Variants in CAMK1 observed in about 807,000 individuals in gnomAD.
CAMK1 encodes calcium/calmodulin dependent protein kinase I.
CAMK1 carries 39 observed loss-of-function variants against 49.1 expected under a neutral mutation model. The observed-to-expected ratio is 0.79, with a 90% confidence interval of 0.62 to 1.04. The LOEUF is 1.04. Ranked by LOEUF, CAMK1 falls within the 50% of genes least tolerant of loss-of-function variation. CAMK1 has a pLI of 0.00. For missense variants in CAMK1, 457 were observed against 472.2 expected (o/e 0.97, Z 0.30); for synonymous variants, 192 against 185.2 (o/e 1.04, Z -0.30).
rs1320393177 is a variant in CAMK1, at chr3:9,769,917, T to C, written c.-118A>G. On this transcript the variant is annotated 5_prime_UTR_variant, in exon 1 of 12. Transcript: ENST00000256460. Reference sequence around the variant, plus strand: ...GCCGCGGTCCTCACCGCTGCGTGCCTGGGCCACCCGCCCGCGCTCTTGCTG... The same window carrying C: ...GCCGCGGTCCTCACCGCTGCGTGCCCGGGCCACCCGCCCGCGCTCTTGCTG... The C allele has an allele frequency of 6.6e-6, 1 of 152,186 alleles. No individual in the cohort carries two copies. Among genetic ancestry groups the C allele is most frequent in the African/African-American group, 2.4e-5 (1 of 41,442 alleles). The allele number at this position is 152,186 out of a possible 1,614,324, so 9.4% of individuals were successfully genotyped here. A position where few individuals can be genotyped will look rare whatever the true frequency, so the allele number is the denominator to read the frequency against.
chr3:9,761,852 A>G (rs2077892225), intron 5 of CAMK1, 95 bp from the exon 6 acceptor site: 1 of 1,524,816 alleles, frequency 6.6e-7, no homozygotes, highest in Non-Finnish European at 8.8e-7. Flanking sequence ...GAAATAATGG[A>G]TCCCCAAAAG....
At position 9,763,188 on chromosome 3, in the gene CAMK1, G is replaced by C; in HGVS notation, c.241C>G (p.Leu81Val). The C allele has an allele frequency of 6.2e-7, 1 of 1,613,970 alleles. No individual in the cohort carries two copies. Among genetic ancestry groups the C allele is most frequent in the East Asian group, 2.2e-5 (1 of 44,874 alleles). The change falls in exon 4 of 12, where the codon CTG (leucine) becomes GTG (valine). Residue 81 changes from leucine (L) to valine (V), a missense_variant. Leu to Val is a conservative substitution (Grantham distance 32). Coordinates refer to ENST00000256460, the MANE Select transcript of CAMK1 (RefSeq NM_003656.5). ...CCCCCACTCTCATAGATGTCATCCA[G>C]GGCTACAATGTTGGGGTGCTTGATC... ...HKIKHPNIVA[L>V]DDIYESGGHL... is the part of the protein sequence containing the mutation.
intron 1 of CAMK1, among the ~76,000 whole-genome samples, chr3:9,768,675 A>G (rs547073839): frequency 6.6e-6 from 1 of 152,340 alleles, no homozygotes; most frequent in East Asian, 1.9e-4. Flanking sequence ...CCCCATTCAG[A>G]GAACACAGCC....
intron 9 of CAMK1, 43 bp from the exon 10 acceptor site, chr3:9,759,618 C>T (rs1302681770): frequency 6.2e-7 from 1 of 1,614,012 alleles, no homozygotes; most frequent in Non-Finnish European, 8.5e-7. Context: ...AGGGCAGAAG[C>T]AGACCTGAGG....
At chr3:9,759,635 A>C (rs1391680656) in intron 9 of CAMK1, 37 bp downstream of exon 9, 1 of 1,613,968 alleles carries the variant, frequency 6.2e-7, no homozygotes, top group East Asian at 2.2e-5. Context: ...GAGGGCCCCA[A>C]ATCCCGCCCC....
chr3:9,761,962 T>C, intron 5 of CAMK1: 1 of 648,140 alleles, frequency 1.5e-6, no homozygotes, highest in Non-Finnish European at 2.5e-6. Context: ...GGGGGGGAAC[T>C]GTCTCTAAAC....
rs199997024 is a variant in CAMK1, at chr3:9,759,684, A to G, written c.812T>C (p.Leu271Ser). ...PEKRFTCEQA[L>S]QHPWIAGDTA... Reference sequence around the variant, plus strand: ...TGTGAATTCTCACCATGGGTGCTGCAAGGCCTGCTCACAGGTGAATCTTTT... The same window carrying G: ...TGTGAATTCTCACCATGGGTGCTGCGAGGCCTGCTCACAGGTGAATCTTTT... The change falls in exon 9 of 12, where the codon TTG becomes TCG. Residue 271 changes from leucine to serine, a missense_variant. Transcript: ENST00000256460. 1.2e-5 allele frequency: 19 copies of G among 1,614,174 alleles called. No individual in the cohort carries two copies. The highest frequency in any genetic ancestry group is 1.2e-5 in the Non-Finnish European group (14 of 1,180,024).
intron 10 of CAMK1, 96 bp downstream of exon 10, chr3:9,759,392 C>T (rs879772293): frequency 1.2e-4 from 193 of 1,571,704 alleles, no homozygotes; most frequent in Non-Finnish European, 1.6e-4. Context: ...TTACTGTGTG[C>T]CCAGTGTGAT....
At chr3:9,767,351 G>A (rs1359009934) in intron 2 of CAMK1, among the ~76,000 whole-genome samples, 1 of 152,172 alleles carries the variant, frequency 6.6e-6, no homozygotes, top group African/African-American at 2.4e-5. Flanking sequence ...CCAGCACCAA[G>A]AACAGAGCCA....
intron 2 of CAMK1, among the ~76,000 whole-genome samples, chr3:9,767,000 C>A (rs923903363): frequency 2.0e-5 from 3 of 152,144 alleles, no homozygotes; most frequent in South Asian, 2.1e-4. Flanking sequence ...ACTCTCCCCC[C>A]AGCCTGTGAT....
intron 5 of CAMK1, 140 bp downstream of exon 5, chr3:9,762,774 T>G: frequency 1.3e-6 from 1 of 764,880 alleles, no homozygotes; most frequent in South Asian, 1.7e-5. Flanking sequence ...GGAGGCAGTT[T>G]AAAGGTTACA....
intron 5 of CAMK1, 138 bp from the exon 6 acceptor site, chr3:9,761,895 C>T (rs912529292): frequency 3.5e-5 from 48 of 1,381,240 alleles, no homozygotes; most frequent in Non-Finnish European, 4.6e-5. Flanking sequence ...ATAAGAAAAT[C>T]AAGGAAGCTC....
intron 2 of CAMK1, chr3:9,766,407 C>A (rs568992560): frequency 9.7e-6 from 5 of 513,152 alleles, no homozygotes; most frequent in African/African-American, 5.8e-5. Context: ...CCCTTTAGAA[C>A]CTTAAAGAAC....
Position 9,759,360 on chromosome 3 carries a change from T to A in CAMK1, c.912+128A>T, listed in dbSNP as rs2077737783. On this transcript the variant is annotated intron_variant, in intron 10 of 11. Coordinates refer to ENST00000256460, the MANE Select transcript of CAMK1 (RefSeq NM_003656.5). The stretch of plus-strand genomic sequence containing the variant: ...ATGAAAGAGTGAATGAATGAAGTCC[T>A]TCAGTAAGGATCCCTAAGCAGTTAC... 7 of 1,550,238 alleles carry A rather than the reference T, an allele frequency of 4.5e-6. No individual in the cohort carries two copies. The Admixed American group carries it at 1.2e-4, about 26-fold the overall frequency.
At position 9,763,177 on chromosome 3, in the gene CAMK1, G is replaced by T. The variant is rs886659552; in HGVS notation, c.252C>A (p.Ile84=). Residue 84 remains isoleucine, a synonymous_variant, in exon 4 of 12, where the codon ATC becomes ATA. Transcript: ENST00000256460. The part of the protein sequence containing the change: ...KHPNIVALDD[I]YESGGHLYLI... ...GGTAGAGGTGGCCCCCACTCTCATA[G>T]ATGTCATCCAGGGCTACAATGTTGG... 6.2e-7 allele frequency: 1 copy of T among 1,614,062 alleles called. No homozygotes were observed. The highest frequency in any genetic ancestry group is 8.5e-7 in the Non-Finnish European group (1 of 1,180,042).
At chr3:9,761,991 A>C in intron 5 of CAMK1, 1 of 512,762 alleles carries the variant, frequency 2.0e-6, no homozygotes, top group East Asian at 3.6e-5. Context: ...TGCACTGTAA[A>C]GCCCTAAAGG....
Position 9,761,013 on chromosome 3 carries a change from T to C in CAMK1, c.633-245A>G, listed in dbSNP as rs545626946. 4 of 483,660 alleles carry C rather than the reference T, an allele frequency of 8.3e-6. No individual in the cohort carries two copies. In the East Asian group the frequency reaches 1.2e-4, roughly 14 times the overall value. 30.0% of individuals were successfully genotyped at this position (483,660 alleles called of 1,614,324 possible). On this transcript the variant is annotated intron_variant, in intron 7 of 11. Transcript: ENST00000256460. ...CATTGCTTCTGCCTATGCCACTCTT[T>C]CCCCACACCTCCAATGTCTGGCTCC...
chr3:9,761,272 C>T (rs930064285), intron 7 of CAMK1, 189 bp downstream of exon 7: 16 of 605,050 alleles, frequency 2.6e-5, no homozygotes, highest in African/African-American at 1.9e-4. Context: ...AAATTTACCC[C>T]AGTGCTTGCT....
Position 9,757,889 on chromosome 3 carries a change from T to C in CAMK1, c.913-43A>G, listed in dbSNP as rs1319383635. Reference sequence around the variant, plus strand: ...GAAGGGAGAGGGGAGAAAGGACTTTTGAGAGAGTCAAGTCATGGGGCAGGG... The same window carrying C: ...GAAGGGAGAGGGGAGAAAGGACTTTCGAGAGAGTCAAGTCATGGGGCAGGG... On this transcript the variant is annotated intron_variant, in intron 10 of 11. Transcript: ENST00000256460. The surrounding 1 kb of genome is among the most constrained non-coding windows in gnomAD (Gnocchi z 4.5). The C allele has an allele frequency of 2.6e-6, 4 of 1,566,910 alleles. No homozygotes were observed. Among genetic ancestry groups the C allele is most frequent in the African/African-American group, 1.4e-5 (1 of 73,838 alleles).
Sources: gnomAD v4.1 joint callset for allele counts (sites outside exome capture counted in the v4.1 genomes callset) on GRCh38, gnomAD v4.1.1 for gene constraint, Gnocchi (gnomAD v3.1) non-coding constraint, MANE v1.5 for transcripts, NCBI Gene and HGNC (gene_info 2026-07-23, HGNC 2026-07-21) for gene names.